The following C10orf90 variants were observed in gnomAD, a reference collection of about 807,000 sequenced individuals.
C10orf90 encodes the protein (E2-independent) E3 ubiquitin-conjugating enzyme FATS.
A neutral mutation model predicts 62.5 loss-of-function variants in C10orf90; 56 were observed. The ratio of observed to expected loss-of-function variants is 0.90; its 90% CI spans 0.72 to 1.12. The LOEUF (loss-of-function observed/expected upper bound fraction) is 1.12, where lower values mean the gene tolerates loss of function less well. Among genes scored for constraint, C10orf90 ranks in the 50% most tolerant of loss-of-function variants. The probability of loss-of-function intolerance (pLI) is 0.00; values close to 1 mark genes in which losing one functional copy is unlikely to be tolerated. For synonymous variants in C10orf90, 386 were observed against 340.4 expected, an observed-to-expected ratio of 1.13 and a Z score of -1.47; for missense variants, 970 against 880.4, an observed-to-expected ratio of 1.10 and a Z score of -1.29.
intron 2 of C10orf90, among the ~76,000 whole-genome samples, chr10:126,534,327 C>T (rs1204723269): frequency 6.6e-6 from 1 of 152,194 alleles, no homozygotes; most frequent in East Asian, 1.9e-4. Context: ...ACTTCTCTGG[C>T]TTTGCCACTT....
intron 1 of C10orf90, among the ~76,000 whole-genome samples, chr10:126,662,917 C>G (rs941342975): frequency 6.6e-6 from 1 of 151,996 alleles, no homozygotes; most frequent in African/African-American, 2.4e-5. Context: ...GGGTAGACAC[C>G]CTGGCCTGGC....
At chr10:126,612,578 T>C (rs1186657244) in intron 2 of C10orf90, among the ~76,000 whole-genome samples, 1 of 152,164 alleles carries the variant, frequency 6.6e-6, no homozygotes, top group Non-Finnish European at 1.5e-5. Context: ...TTTGGAATTC[T>C]TAGGGATGCC....
intron 2 of C10orf90, among the ~76,000 whole-genome samples, chr10:126,588,618 G>A (rs972112315): frequency 2.6e-5 from 4 of 152,010 alleles, no homozygotes; most frequent in African/African-American, 9.7e-5. Flanking sequence ...ACTATTAAAA[G>A]AAAAGAAAAC....
At chr10:126,569,742 C>T (rs1448383122) in intron 2 of C10orf90, among the ~76,000 whole-genome samples, 1 of 152,060 alleles carries the variant, frequency 6.6e-6, no homozygotes, top group Non-Finnish European at 1.5e-5. Flanking sequence ...GCTAATGGCT[C>T]TCAGTGTTAT....
chr10:126,511,313 G>A (rs1399864910), intron 3 of C10orf90, among the ~76,000 whole-genome samples: 4 of 152,278 alleles, frequency 2.6e-5, no homozygotes. Context: ...GTGATATAGA[G>A]CAGTGAGAAG....
At chr10:126,466,963 A>G (rs1860322347) in intron 4 of C10orf90, among the ~76,000 whole-genome samples, 1 of 152,376 alleles carries the variant, frequency 6.6e-6, no homozygotes, top group East Asian at 1.9e-4. Flanking sequence ...ATAGTCATAC[A>G]TCACTTTCTT....
At chr10:126,429,497 C>A (rs957612717) in intron 8 of C10orf90, among the ~76,000 whole-genome samples, 1 of 152,220 alleles carries the variant, frequency 6.6e-6, no homozygotes, top group Non-Finnish European at 1.5e-5. Context: ...TACTAATATG[C>A]AGGAGTTCCA....
chr10:126,438,097 G>A (rs1011254272), intron 7 of C10orf90, among the ~76,000 whole-genome samples: 2 of 152,126 alleles, frequency 1.3e-5, no homozygotes, highest in Non-Finnish European at 1.5e-5. Context: ...TACAGATGCC[G>A]GGGTACACAC....
At chr10:126,452,192 CTTTT>C (rs1173344823) in intron 7 of C10orf90, among the ~76,000 whole-genome samples, 3 of 151,988 alleles carry the variant, frequency 2.0e-5, no homozygotes, top group South Asian at 2.1e-4. Flanking sequence ...ATATATACGA[CTTTT>C]ATTTGTCAAT....
intron 2 of C10orf90, among the ~76,000 whole-genome samples, chr10:126,565,391 T>C (rs1270784619): frequency 2.6e-5 from 2 of 75,998 alleles, no homozygotes; most frequent in Non-Finnish European, 4.6e-5. Flanking sequence ...ATATATTATA[T>C]ATATTATATT....
intron 4 of C10orf90, among the ~76,000 whole-genome samples, chr10:126,501,190 T>C (rs1419625109): frequency 1.3e-5 from 2 of 152,174 alleles, no homozygotes; most frequent in Non-Finnish European, 2.9e-5. Context: ...CTAAAGGTTT[T>C]GTGGAATCTG....
intron 4 of C10orf90, among the ~76,000 whole-genome samples, chr10:126,493,364 C>CTT (rs375605068): frequency 8.7e-4 from 124 of 142,042 alleles, no homozygotes; most frequent in African/African-American, 2.0e-3. Flanking sequence ...ACATGTTTTC[C>CTT]TTTTTTTTTT....
rs536966406 is a variant in C10orf90 at position 126,636,493 on chromosome 10, C to T, written c.313+10072G>A. 1.1e-4 allele frequency among the ~76,000 whole-genome samples: 17 copies of T among 152,192 alleles called. No individual in the cohort carries two copies. The South Asian group carries it at 1.5e-3, about 13-fold the overall frequency. On this transcript the variant is annotated intron_variant, in intron 2 of 9. Coordinates refer to ENST00000488181, the MANE Select transcript of C10orf90 (RefSeq NM_001350921.2). ...ATTTTTACCAAGATATAAAATAAGC[C>T]GTGAAAAGTCATAGGTGTGTAATGA...
intron 2 of C10orf90, among the ~76,000 whole-genome samples, chr10:126,554,168 C>T (rs1345839194): frequency 1.3e-5 from 2 of 151,970 alleles, no homozygotes; most frequent in Non-Finnish European, 2.9e-5. Flanking sequence ...CATATTAACA[C>T]AATGGAATAT....
chr10:126,425,871 G>A lies in C10orf90; in HGVS notation c.2384C>T (p.Ala795Val), dbSNP rs778292004. 3.5e-5 allele frequency: 57 copies of A among 1,613,828 alleles called. No individual in the cohort carries two copies. Among genetic ancestry groups the A allele is most frequent in the Non-Finnish European group, 4.5e-5 (53 of 1,179,972 alleles). The change falls in exon 10 of 10, where the codon GCG becomes GTG. Residue 795 changes from alanine (A) to valine (V), a missense_variant. Transcript: ENST00000488181. ...QLLDQLLQRN[A>V]V is the part of the protein sequence containing the mutation. ...CAGCAGGGCAGCCTGTGGTTAGACC[G>A]CATTCCTTTGAAGGAGCTGGTCCAG...
chr10:126,428,315 G>A (rs1857376551), intron 8 of C10orf90, among the ~76,000 whole-genome samples: 1 of 152,138 alleles, frequency 6.6e-6, no homozygotes, highest in Non-Finnish European at 1.5e-5. Context: ...GAACAGGGAG[G>A]GGAACTGCTG....
intron 1 of C10orf90, among the ~76,000 whole-genome samples, chr10:126,648,086 C>G (rs766163937): frequency 6.6e-5 from 10 of 152,036 alleles, no homozygotes; most frequent in Non-Finnish European, 1.0e-4. Flanking sequence ...GACTCTGCCT[C>G]ATGGATGAAT....
chr10:126,450,216 A>G (rs905537827), intron 7 of C10orf90, among the ~76,000 whole-genome samples: 4 of 152,184 alleles, frequency 2.6e-5, no homozygotes, highest in Non-Finnish European at 4.4e-5. Flanking sequence ...AGTAAGAGTA[A>G]AAAGATATTC....
chr10:126,511,705 T>C (rs1247397620), intron 3 of C10orf90, among the ~76,000 whole-genome samples: 1 of 152,096 alleles, frequency 6.6e-6, no homozygotes, highest in Non-Finnish European at 1.5e-5. Context: ...TATAAGAGAA[T>C]AATACAAGAG....
Sources: allele counts gnomAD v4.1 joint callset (sites outside exome capture counted in the v4.1 genomes callset), GRCh38; gene constraint gnomAD v4.1.1; transcripts MANE v1.5; gene names NCBI Gene and HGNC (gene_info 2026-07-23, HGNC 2026-07-21).